PTPRN2: variants seen among roughly 807,000 people sequenced by gnomAD.
PTPRN2 encodes receptor-type tyrosine-protein phosphatase N2.
A neutral mutation model predicts 118.8 loss-of-function variants in PTPRN2; 74 were observed. That is an observed-to-expected ratio of 0.62 (90% CI 0.52 to 0.76). The LOEUF is 0.76. Ranked by LOEUF, PTPRN2 falls within the 30% of genes least tolerant of loss-of-function variation. The probability of loss-of-function intolerance (pLI) is 0.00; values close to 1 mark genes in which losing one functional copy is unlikely to be tolerated. For synonymous variants in PTPRN2, 641 were observed against 608.0 expected (o/e 1.05, Z -0.80); for missense variants, 1,481 against 1,394.4 (o/e 1.06, Z -0.99).
At chr7:158,141,697 A>G (rs1793281110) in intron 6 of PTPRN2, among the ~76,000 whole-genome samples, 1 of 152,126 alleles carries the variant, frequency 6.6e-6, no homozygotes, top group African/African-American at 2.4e-5. Context: ...TCTCGCATGG[A>G]AAGGGTCACA....
chr7:158,523,413 C>A (rs1388643286), intron 1 of PTPRN2, among the ~76,000 whole-genome samples: 1 of 105,548 alleles, frequency 9.5e-6, no homozygotes, highest in Non-Finnish European at 2.1e-5. Flanking sequence ...TGCCCTGGAG[C>A]GGAGTCTGCC....
At chr7:158,341,284 T>A (rs1312672677) in intron 2 of PTPRN2, among the ~76,000 whole-genome samples, 5 of 148,300 alleles carry the variant, frequency 3.4e-5, no homozygotes, top group South Asian at 4.5e-4. Flanking sequence ...ACTCTCACCA[T>A]AAGAGCCGAC....
At chr7:158,207,524 G>A (rs1240709874) in intron 3 of PTPRN2, among the ~76,000 whole-genome samples, 1 of 151,994 alleles carries the variant, frequency 6.6e-6, no homozygotes, top group Non-Finnish European at 1.5e-5. Context: ...CCTACAAAAT[G>A]GGAGAAAATT....
chr7:158,384,532 G>A (rs570684845), intron 2 of PTPRN2, among the ~76,000 whole-genome samples: 2 of 152,320 alleles, frequency 1.3e-5, no homozygotes, highest in East Asian at 3.9e-4. Flanking sequence ...CACAAAGCCA[G>A]ACACTTAGGA....
chr7:158,166,820 G>C (rs1049997925), intron 6 of PTPRN2, 111 bp downstream of exon 6: 2 of 1,292,158 alleles, frequency 1.5e-6, no homozygotes, highest in African/African-American at 3.0e-5. Flanking sequence ...GTCCTCGGGG[G>C]AGTGCGGTGT....
intron 2 of PTPRN2, among the ~76,000 whole-genome samples, chr7:158,478,800 T>G (rs1173909392): frequency 6.6e-6 from 1 of 152,174 alleles, no homozygotes; most frequent in Non-Finnish European, 1.5e-5. Flanking sequence ...GCAACTTGTG[T>G]GGCAGACACG....
At chr7:158,000,043 T>C (rs1222363462) in intron 11 of PTPRN2, among the ~76,000 whole-genome samples, 1 of 152,056 alleles carries the variant, frequency 6.6e-6, no homozygotes, top group Non-Finnish European at 1.5e-5. Context: ...AGTGCCACCA[T>C]GCCCGGCTAA....
intron 12 of PTPRN2, among the ~76,000 whole-genome samples, chr7:157,720,905 A>C (rs1229288582): frequency 6.6e-6 from 1 of 152,082 alleles, no homozygotes; most frequent in Non-Finnish European, 1.5e-5. Flanking sequence ...AGTGTTTCTT[A>C]AGTGTGACAA....
intron 2 of PTPRN2, among the ~76,000 whole-genome samples, chr7:158,423,685 A>C (rs1815456786): frequency 6.6e-6 from 1 of 151,938 alleles, no homozygotes; most frequent in African/African-American, 2.4e-5. Flanking sequence ...TAGTTTTTGT[A>C]TTTTTAGTAG....
intron 2 of PTPRN2, among the ~76,000 whole-genome samples, chr7:158,374,761 C>T (rs1810373888): frequency 6.6e-6 from 1 of 152,116 alleles, no homozygotes; most frequent in South Asian, 2.1e-4. Context: ...CCAAGCATAT[C>T]GTGCAAAGGA....
intron 11 of PTPRN2, among the ~76,000 whole-genome samples, chr7:157,901,525 T>C (rs1318180254): frequency 6.6e-6 from 1 of 152,262 alleles, no homozygotes; most frequent in South Asian, 2.1e-4. Flanking sequence ...AGCTTTAGTA[T>C]GGATCGCCTC....
At chr7:157,889,993 A>C (rs1796706692) in intron 12 of PTPRN2, among the ~76,000 whole-genome samples, 1 of 152,168 alleles carries the variant, frequency 6.6e-6, no homozygotes, top group Non-Finnish European at 1.5e-5. Flanking sequence ...AGTTCTCAAA[A>C]TTTTAAATGA....
chr7:158,559,555 T>C (rs568269404), intron 1 of PTPRN2, among the ~76,000 whole-genome samples: 1 of 152,352 alleles, frequency 6.6e-6, no homozygotes, highest in South Asian at 2.1e-4. Flanking sequence ...TCACTCAGCC[T>C]GAGCAGTTCC....
At chr7:157,822,024 C>T (rs1806872440) in intron 12 of PTPRN2, among the ~76,000 whole-genome samples, 1 of 151,516 alleles carries the variant, frequency 6.6e-6, no homozygotes, top group South Asian at 2.1e-4. Context: ...ATCCCTCCCT[C>T]TATCTATACA....
Position 158,576,693 on chromosome 7 carries a change from T to G in PTPRN2, c.112+10865A>C, listed in dbSNP as rs114111336. On this transcript the variant is annotated intron_variant, in intron 1 of 22. Coordinates refer to ENST00000389418, the MANE Select transcript of PTPRN2 (RefSeq NM_002847.5). ...GCAAGATGGAAATGCACAGGGCATCTGGCTCCCAGTCCTGCCCGATGCCAC... is the reference window on the plus strand; with the variant it reads ...GCAAGATGGAAATGCACAGGGCATCGGGCTCCCAGTCCTGCCCGATGCCAC... Among the ~76,000 whole-genome samples, 824 of 152,302 alleles carry G rather than the reference T, an allele frequency of 5.4e-3. 10 individuals carry two copies. Among genetic ancestry groups the G allele is most frequent in the African/African-American group, 0.018 (767 of 41,552 alleles).
At chr7:158,137,003 G>A (rs374259393) in intron 7 of PTPRN2, among the ~76,000 whole-genome samples, 257 of 152,104 alleles carry the variant, frequency 1.7e-3, no homozygotes, top group African/African-American at 5.4e-3. Flanking sequence ...AAACCCCATC[G>A]TACCGAGCAG....
intron 3 of PTPRN2, among the ~76,000 whole-genome samples, chr7:158,259,362 G>C (rs1045505219): frequency 5.3e-5 from 8 of 152,140 alleles, no homozygotes; most frequent in African/African-American, 1.9e-4. Flanking sequence ...CCACCCTTCC[G>C]GGCAGGGCAA....
intron 12 of PTPRN2, among the ~76,000 whole-genome samples, chr7:157,705,702 C>A (rs937361373): frequency 6.6e-6 from 1 of 151,964 alleles, no homozygotes; most frequent in African/African-American, 2.4e-5. Flanking sequence ...GACCCAGGTG[C>A]CTTCTGGATA....
chr7:158,549,632 G>T (rs1826517591), intron 1 of PTPRN2, among the ~76,000 whole-genome samples: 1 of 152,264 alleles, frequency 6.6e-6, no homozygotes. Flanking sequence ...CCTGCAGCCA[G>T]GGCTCGCTCC....
Sources: allele counts gnomAD v4.1 joint callset (sites outside exome capture counted in the v4.1 genomes callset), GRCh38; gene constraint gnomAD v4.1.1; transcripts MANE v1.5; gene names NCBI Gene and HGNC (gene_info 2026-07-23, HGNC 2026-07-21).